The following LAIR1 variants were observed in gnomAD, a reference collection of about 807,000 sequenced individuals.
LAIR1 encodes leukocyte-associated immunoglobulin-like receptor 1.
A neutral mutation model predicts 32.8 loss-of-function variants in LAIR1; 24 were observed. That is an observed-to-expected ratio of 0.73 (90% CI 0.53 to 1.03). The LOEUF is 1.03. Ranked by LOEUF, LAIR1 falls within the 50% of genes least tolerant of loss-of-function variation. The pLI, the probability that LAIR1 is intolerant of heterozygous loss-of-function variation, is 0.00. For missense variants in LAIR1, 355 were observed against 347.5 expected (o/e 1.02, Z -0.17); for synonymous variants, 150 against 140.5 (o/e 1.07, Z -0.48).
upstream of LAIR1, among the ~76,000 whole-genome samples, chr19:54,373,544 A>G (rs544771839): frequency 5.9e-5 from 9 of 152,354 alleles, no homozygotes; most frequent in East Asian, 1.9e-4. Context: ...AACAAAACAG[A>G]TCCAGTCCCT....
In LAIR1 at chr19:54,359,364, C is replaced by A. The variant is rs575255465; in HGVS notation, c.415+658G>T. ...GGCAGCTTCAATCCCATCACAGAGT[C>A]CAGGGCAGAGCCAGATGGAAGGGAA... On this transcript the variant is annotated intron_variant, in intron 4 of 9. Transcript: ENST00000391742. Among the ~76,000 whole-genome samples the A allele has an allele frequency of 2.9e-4, 44 of 151,670 alleles. 2 individuals carry two copies. The highest frequency in any genetic ancestry group is 9.3e-4 in the African/African-American group (38 of 40,940).
At position 54,355,633 on chromosome 19, in the gene LAIR1, C is replaced by T. The variant is rs2081660488; in HGVS notation, c.718-219G>A. Among the ~76,000 whole-genome samples, 1 of 152,238 alleles carries T rather than the reference C, an allele frequency of 6.6e-6. No homozygotes were observed. Among genetic ancestry groups the T allele is most frequent in the African/African-American group, 2.4e-5 (1 of 41,462 alleles). On this transcript the variant is annotated intron_variant, in intron 9 of 9. Coordinates refer to ENST00000391742, the MANE Select transcript of LAIR1 (RefSeq NM_002287.6). The surrounding 1 kb of genome is among the most constrained non-coding windows in gnomAD (Gnocchi z 4.7). ...CTGACTTCCAAGCTGAGCCAAAAGA[C>T]ATGGTGCTTCTGTCCCCTCCCTGCC...
At chr19:54,360,368 T>C (rs1345920739) in intron 3 of LAIR1, among the ~76,000 whole-genome samples, 1 of 136,446 alleles carries the variant, frequency 7.3e-6, no homozygotes, top group Non-Finnish European at 1.6e-5. Context: ...CAGTGGACTT[T>C]GACTCCAGGA....
chr19:54,373,080 C>T (rs1271078440), upstream of LAIR1, among the ~76,000 whole-genome samples: 6 of 150,240 alleles, frequency 4.0e-5, no homozygotes, highest in Admixed American at 1.3e-4. Context: ...TGCAGTGAGC[C>T]GAAATCGCAC....
Position 54,361,192 on chromosome 19 carries a change from AG to A in LAIR1, c.87del (p.Ser30ProfsTer9). On this transcript the variant is annotated frameshift_variant, in exon 3 of 10. Coordinates refer to ENST00000391742, the MANE Select transcript of LAIR1 (RefSeq NM_002287.6). LOFTEE classifies it high-confidence loss of function. Reference sequence around the variant, plus strand: ...ACGGTGCCTGGCTCAGCCGAGATGGAGGGTCTGGGCAGATCTTCTAGGAGGG... The same window carrying A: ...ACGGTGCCTGGCTCAGCCGAGATGGAGGTCTGGGCAGATCTTCTAGGAGGG... ...IHTQEEDLPR[P>X]SISAEPGTVI... 1 of 1,614,170 alleles carries A rather than the reference AG, an allele frequency of 6.2e-7. No homozygotes were observed. The highest frequency in any genetic ancestry group is 8.5e-7 in the Non-Finnish European group (1 of 1,180,032).
chr19:54,357,158 G>A, intron 4 of LAIR1, 192 bp from the exon 5 acceptor site: 1 of 588,430 alleles, frequency 1.7e-6, no homozygotes, highest in Non-Finnish European at 3.0e-6. Flanking sequence ...TCCAGCATGA[G>A]AGTCACACAT....
At chr19:54,374,614 G>A (rs975598254), upstream of LAIR1, among the ~76,000 whole-genome samples, 5 of 152,096 alleles carry the variant, frequency 3.3e-5, no homozygotes, top group Admixed American at 6.6e-5. Context: ...CAGCTGCGAC[G>A]TTTTCCTGGA....
At chr19:54,363,406 C>T (rs544317525) in intron 2 of LAIR1, among the ~76,000 whole-genome samples, 3 of 151,886 alleles carry the variant, frequency 2.0e-5, no homozygotes, top group Non-Finnish European at 4.4e-5. Flanking sequence ...AGTGTGGGCT[C>T]GTCTGGGGAA....
rs1366322014 is a variant in LAIR1, at chr19:54,352,396, G to A, written c.*2872C>T. 1 of 153,786 alleles carries A rather than the reference G, an allele frequency of 6.5e-6. No homozygotes were observed. The highest frequency in any genetic ancestry group is 1.5e-5 in the Non-Finnish European group (1 of 68,114). The allele number at this position is 153,786 out of a possible 1,614,324, so 9.5% of individuals were successfully genotyped here. A position where few individuals can be genotyped will look rare whatever the true frequency, so the allele number is the denominator to read the frequency against. On this transcript the variant is annotated 3_prime_UTR_variant, in exon 10 of 10. Coordinates refer to ENST00000391742, the MANE Select transcript of LAIR1 (RefSeq NM_002287.6). Reference sequence around the variant, plus strand: ...GCTTGGGGGCCCGTGCAGCAGGAGGGACATCTTCTCCGCACAGCAATGTTC... The same window carrying A: ...GCTTGGGGGCCCGTGCAGCAGGAGGAACATCTTCTCCGCACAGCAATGTTC...
rs765315185 is a variant in LAIR1, at chr19:54,353,598, T to A, written c.*1670A>T. ...GGTCCATAGTTTCTGTTTTTATAAA[T>A]GAGGAAAATAATAGAGCACGCTGTG... is the stretch of plus-strand genomic sequence containing the variant. On this transcript the variant is annotated 3_prime_UTR_variant, in exon 10 of 10. Coordinates refer to ENST00000391742, the MANE Select transcript of LAIR1 (RefSeq NM_002287.6). The A allele has an allele frequency of 6.6e-6, 1 of 152,156 alleles. No homozygotes were observed. The highest frequency in any genetic ancestry group is 1.9e-4 in the East Asian group (1 of 5,202). The allele number at this position is 152,156 out of a possible 1,614,324, so 9.4% of individuals were successfully genotyped here. A position where few individuals can be genotyped will look rare whatever the true frequency, so the allele number is the denominator to read the frequency against.
upstream of LAIR1, among the ~76,000 whole-genome samples, chr19:54,366,511 C>T (rs138546356): frequency 6.8e-4 from 103 of 152,040 alleles, no homozygotes; most frequent in African/African-American, 1.3e-3. Flanking sequence ...TTTTTTTAAA[C>T]GGAGTCTCGC....
chr19:54,375,158 C>A (rs529559030), upstream of LAIR1, among the ~76,000 whole-genome samples: 2 of 152,334 alleles, frequency 1.3e-5, no homozygotes, highest in South Asian at 4.1e-4. Flanking sequence ...GCCGTCCCGC[C>A]GTCATCTCTG....
chr19:54,370,826 A>G (rs1022742744), upstream of LAIR1, among the ~76,000 whole-genome samples: 3 of 150,644 alleles, frequency 2.0e-5, no homozygotes, highest in Non-Finnish European at 4.4e-5. Flanking sequence ...CAAGAACCAT[A>G]TCTCTGTCCC....
At chr19:54,362,563 C>T (rs2082076968) in intron 2 of LAIR1, among the ~76,000 whole-genome samples, 2 of 152,216 alleles carry the variant, frequency 1.3e-5, no homozygotes, top group African/African-American at 4.8e-5. Flanking sequence ...CAGCTCACTG[C>T]AACCTCCGCC....
chr19:54,368,688 TA>T, upstream of LAIR1: 1 of 151,738 alleles, frequency 6.6e-6, no homozygotes, highest in Non-Finnish European at 1.5e-5. Context: ...TTGACTGATT[TA>T]TTTATTTATT....
chr19:54,354,399 T>C lies in LAIR1; in HGVS notation c.*869A>G, dbSNP rs1337627932. ...AAACACTGACACCAATGTGAAGTCCTAAGATGAGCAAGTTCAGAATATCTA... is the reference window on the plus strand; with the variant it reads ...AAACACTGACACCAATGTGAAGTCCCAAGATGAGCAAGTTCAGAATATCTA... On this transcript the variant is annotated 3_prime_UTR_variant, in exon 10 of 10. Transcript: ENST00000391742. 6.6e-6 allele frequency: 1 copy of C among 152,256 alleles called. No homozygotes were observed. The highest frequency in any genetic ancestry group is 2.4e-5 in the African/African-American group (1 of 41,464). The allele number at this position is 152,256 out of a possible 1,614,324, so 9.4% of individuals were successfully genotyped here.
At chr19:54,362,153 T>C (rs1601312677) in intron 2 of LAIR1, among the ~76,000 whole-genome samples, 2 of 152,198 alleles carry the variant, frequency 1.3e-5, no homozygotes, top group East Asian at 1.9e-4. Flanking sequence ...CTTTGCGTAG[T>C]TAATTGTTGT....
At chr19:54,374,209 T>G (rs1223581028), upstream of LAIR1, among the ~76,000 whole-genome samples, 2 of 152,138 alleles carry the variant, frequency 1.3e-5, no homozygotes, top group Non-Finnish European at 2.9e-5. Flanking sequence ...ACCTGATTGA[T>G]GGACCATGTG....
upstream of LAIR1, chr19:54,365,040 G>A (rs540083943): frequency 1.9e-4 from 262 of 1,409,102 alleles, no homozygotes; most frequent in African/African-American, 3.1e-3. Flanking sequence ...CCTAAATGTC[G>A]CTTAGAGGCA....
Sources: gnomAD v4.1 joint callset for allele counts (sites outside exome capture counted in the v4.1 genomes callset) on GRCh38, gnomAD v4.1.1 for gene constraint, Gnocchi (gnomAD v3.1) non-coding constraint, MANE v1.5 for transcripts, NCBI Gene and HGNC (gene_info 2026-07-23, HGNC 2026-07-21) for gene names.